Variants in C12orf56 observed in about 807,000 individuals in gnomAD.
The protein encoded by C12orf56 is chromosome 12 open reading frame 56.
In C12orf56, 71 loss-of-function variants were observed where a neutral mutation model predicts 69.9. The observed-to-expected ratio is 1.02, with a 90% CI of 0.84 to 1.24. The LOEUF is 1.24. Ranked by LOEUF, C12orf56 falls within the 50% of genes most tolerant of loss-of-function variation. The pLI is 0.00. For missense variants in C12orf56, 732 were observed against 738.5 expected, an observed-to-expected ratio of 0.99 and a Z score of 0.10; for synonymous variants, 276 against 274.1, an observed-to-expected ratio of 1.01 and a Z score of -0.07.
Position 64,330,992 on chromosome 12 carries a change from T to G in C12orf56, c.456A>C (p.Lys152Asn), listed in dbSNP as rs1263065529. Reference sequence around the variant, plus strand: ...GAGATTCTTTCAGACTTCTGGACTCTTTGCTTCTCCAAAAGGCAAGGCCGT... The same window carrying G: ...GAGATTCTTTCAGACTTCTGGACTCGTTGCTTCTCCAAAAGGCAAGGCCGT... ...EKNGLAFWRSKESRSLKESPL... is the reference protein window; with the variant it reads ...EKNGLAFWRSNESRSLKESPL... Residue 152 changes from lysine (K) to asparagine (N), a missense_variant, in exon 3 of 13, where the codon AAA becomes AAC. By Grantham distance (94) the Lys-to-Asn change is moderately conservative (BLOSUM62 0). Transcript: ENST00000543942. 1.3e-6 allele frequency: 2 copies of G among 1,556,952 alleles called. No individual in the cohort carries two copies. The highest frequency in any genetic ancestry group is 1.2e-5 in the South Asian group (1 of 84,160).
Position 64,353,056 on chromosome 12 carries a change from T to G in C12orf56, c.253A>C (p.Ile85Leu). Residue 85 changes from isoleucine to leucine, a missense_variant and splice_region_variant, in exon 2 of 13, where the codon ATT (isoleucine) becomes CTT (leucine). Ile to Leu is a conservative substitution (Grantham distance 5). Transcript: ENST00000543942. ...ALRDVVAIDL[I>L]DDYPEFLSSP... ...CTCAAAAATTCCGGGTAATCATCAA[T>G]CTGGAAAAAAAATTAATTCACCTCA... 4 of 1,609,048 alleles carry G rather than the reference T, an allele frequency of 2.5e-6. No individual in the cohort carries two copies. The South Asian group carries it at 4.4e-5, about 18-fold the overall frequency.
intron 1 of C12orf56, among the ~76,000 whole-genome samples, chr12:64,369,033 A>T (rs1482827308): frequency 6.6e-6 from 1 of 152,038 alleles, no homozygotes; most frequent in Non-Finnish European, 1.5e-5. Flanking sequence ...AGATAACTAC[A>T]TAGGGCTCAG....
Position 64,312,665 on chromosome 12 carries a change from T to C in C12orf56, c.968+14A>G. ...ATTCCCCATGCAACTCTATCATACA[T>C]CATCACTTCTTACCTATATGGCTTT... is the stretch of plus-strand genomic sequence containing the variant. On this transcript the variant is annotated intron_variant, in intron 5 of 12. Transcript: ENST00000543942. 1 of 1,520,072 alleles carries C rather than the reference T, an allele frequency of 6.6e-7. No individual in the cohort carries two copies. Among genetic ancestry groups the C allele is most frequent in the Non-Finnish European group, 8.8e-7 (1 of 1,131,728 alleles). 94.2% of individuals were successfully genotyped at this position (1,520,072 alleles called of 1,614,324 possible).
chr12:64,384,376 C>G (rs910343721), intron 1 of C12orf56, among the ~76,000 whole-genome samples: 17 of 152,130 alleles, frequency 1.1e-4, no homozygotes, highest in African/African-American at 4.1e-4. Flanking sequence ...CTATTATGTT[C>G]CAGTGACTGT....
At chr12:64,317,651 T>C (rs1212118211) in intron 4 of C12orf56, among the ~76,000 whole-genome samples, 1 of 151,816 alleles carries the variant, frequency 6.6e-6, no homozygotes, top group Non-Finnish European at 1.5e-5. Flanking sequence ...TCCCAGCTAC[T>C]CAGGAGGCTG....
At chr12:64,390,260 A>G in intron 1 of C12orf56, 54 bp downstream of exon 1, 1 of 1,531,632 alleles carries the variant, frequency 6.5e-7, no homozygotes, top group Non-Finnish European at 8.7e-7. Flanking sequence ...TGGGGGCCCC[A>G]GCCGGGAGTT....
chr12:64,310,073 G>A (rs775218728), intron 5 of C12orf56, among the ~76,000 whole-genome samples: 18 of 150,808 alleles, frequency 1.2e-4, no homozygotes, highest in African/African-American at 2.9e-4. Context: ...GCTGGAGTGC[G>A]GCGGTGCAAT....
chr12:64,299,314 A>G (rs778094150), intron 6 of C12orf56, among the ~76,000 whole-genome samples: 1 of 152,204 alleles, frequency 6.6e-6, no homozygotes, highest in Non-Finnish European at 1.5e-5. Context: ...TAAATATACA[A>G]TCATGTCATC....
chr12:64,266,159 A>G lies in C12orf56; in HGVS notation c.*1024T>C, dbSNP rs2037918158. On this transcript the variant is annotated 3_prime_UTR_variant, in exon 13 of 13. Transcript: ENST00000543942. ...CATCCTATTGCTCAGCATTTCCCAA[A>G]TAATCACTCTGTAGCTTATACTCCC... The G allele has an allele frequency of 6.6e-6, 1 of 152,216 alleles. No individual in the cohort carries two copies. Among genetic ancestry groups the G allele is most frequent in the Non-Finnish European group, 1.5e-5 (1 of 68,046 alleles). The allele number at this position is 152,216 out of a possible 1,614,324, so 9.4% of individuals were successfully genotyped here. A position where few individuals can be genotyped will look rare whatever the true frequency, so the allele number is the denominator to read the frequency against.
intron 5 of C12orf56, among the ~76,000 whole-genome samples, chr12:64,310,198 G>A (rs2038588816): frequency 6.6e-6 from 1 of 151,634 alleles, no homozygotes; most frequent in South Asian, 2.1e-4. Context: ...GTAGAGATGA[G>A]GTCTCACTAT....
At chr12:64,300,801 G>A (rs1425782424) in intron 6 of C12orf56, among the ~76,000 whole-genome samples, 1 of 152,154 alleles carries the variant, frequency 6.6e-6, no homozygotes, top group Non-Finnish European at 1.5e-5. Flanking sequence ...CCTTTTCCAT[G>A]AGCATCTACA....
intron 4 of C12orf56, among the ~76,000 whole-genome samples, chr12:64,313,348 C>A (rs1407016567): frequency 3.3e-5 from 5 of 150,598 alleles, no homozygotes; most frequent in African/African-American, 1.2e-4. Flanking sequence ...ATATAAAATT[C>A]TCTGTTTTTC....
rs572729306 is a variant in C12orf56, at chr12:64,277,771, A to T, written c.1343T>A (p.Ile448Asn). ...GALFNLLVIL[I>N]SEPQIPKSCP... The stretch of plus-strand genomic sequence containing the variant: ...AGATTTTGGAATCTGAGGCTCACTA[A>T]TTAAAATTACCAAGAGATTAAATAG... The change falls in exon 9 of 13, where the codon ATT becomes AAT. Residue 448 changes from isoleucine to asparagine, a missense_variant. Transcript: ENST00000543942. 3 of 1,603,456 alleles carry T rather than the reference A, an allele frequency of 1.9e-6. No individual in the cohort carries two copies.
At position 64,270,521 on chromosome 12, in the gene C12orf56, G is replaced by A. The variant is rs764456027; in HGVS notation, c.1763+15C>T. On this transcript the variant is annotated intron_variant, in intron 12 of 12. Coordinates refer to ENST00000543942, the MANE Select transcript of C12orf56 (RefSeq NM_001170633.2). ...GAAATCTTACTGCAGATTAGATTCA[G>A]ACATTTTTTCTTACCTGAATTCTTC... is the stretch of plus-strand genomic sequence containing the variant. 1 of 1,506,588 alleles carries A rather than the reference G, an allele frequency of 6.6e-7. No individual in the cohort carries two copies. The highest frequency in any genetic ancestry group is 2.4e-5 in the Admixed American group (1 of 41,882). 93.3% of individuals were successfully genotyped at this position (1,506,588 alleles called of 1,614,324 possible). A position where few individuals can be genotyped will look rare whatever the true frequency, so the allele number is the denominator to read the frequency against.
intron 1 of C12orf56, among the ~76,000 whole-genome samples, chr12:64,371,903 CTTT>C (rs750455670): frequency 9.0e-5 from 11 of 121,846 alleles, no homozygotes; most frequent in Non-Finnish European, 9.6e-5. Flanking sequence ...GCAATGATTT[CTTT>C]TTTTTTTTTT....
chr12:64,353,033 C>A lies in C12orf56; in HGVS notation c.276G>T (p.Leu92Phe). 1 of 1,609,720 alleles carries A rather than the reference C, an allele frequency of 6.2e-7. No homozygotes were observed. The highest frequency in any genetic ancestry group is 1.1e-5 in the South Asian group (1 of 90,050). Residue 92 changes from leucine (L) to phenylalanine (F), a missense_variant, in exon 2 of 13, where the codon TTG becomes TTT. Physicochemically the swap from Leu to Phe is conservative, Grantham distance 22 (BLOSUM62 0). Coordinates refer to ENST00000543942, the MANE Select transcript of C12orf56 (RefSeq NM_001170633.2). ...GGCTGATTTCTCTATCTGGCGAACT[C>A]AAAAATTCCGGGTAATCATCAATCT... Reference protein sequence around the residue: ...IDLIDDYPEFLSSPDREISQH... With the variant: ...IDLIDDYPEFFSSPDREISQH...
intron 1 of C12orf56, among the ~76,000 whole-genome samples, chr12:64,366,884 T>TTATATAACATACAGTTTATATATTA (rs1565777463): frequency 7.8e-6 from 1 of 127,868 alleles, no homozygotes; most frequent in Non-Finnish European, 1.5e-5. Context: ...TTTATATATA[T>TTATATAACATACAGTTTATATATTA]TATATAACAT....
intron 7 of C12orf56, among the ~76,000 whole-genome samples, chr12:64,285,171 G>A (rs910300161): frequency 2.4e-5 from 3 of 126,730 alleles, no homozygotes; most frequent in Non-Finnish European, 4.9e-5. Flanking sequence ...GAGGGACAGA[G>A]TGAGAACTTT....
chr12:64,353,108 A>AT (rs2039256520), intron 1 of C12orf56, 52 bp from the exon 2 acceptor site: 5 of 1,548,016 alleles, frequency 3.2e-6, no homozygotes, highest in Non-Finnish European at 4.4e-6. Flanking sequence ...CTGCTTACCT[A>AT]TTTTGGTATA....
Sources: allele counts gnomAD v4.1 joint callset (sites outside exome capture counted in the v4.1 genomes callset), GRCh38; gene constraint gnomAD v4.1.1; transcripts MANE v1.5; gene names NCBI Gene and HGNC (gene_info 2026-07-23, HGNC 2026-07-21).